SHROOM3: variants seen among roughly 807,000 people sequenced by gnomAD.
The protein encoded by SHROOM3 is shroom family member 3.
SHROOM3 carries 47 observed loss-of-function variants against 138.6 expected under a neutral mutation model. The ratio of observed to expected loss-of-function variants is 0.34; its 90% CI spans 0.27 to 0.43. The LOEUF (loss-of-function observed/expected upper bound fraction) is 0.43. Ranked by LOEUF, SHROOM3 falls within the 20% of genes least tolerant of loss-of-function variation. The pLI, the probability that SHROOM3 is intolerant of heterozygous loss-of-function variation, is 1.00. For synonymous variants in SHROOM3, 1,062 were observed against 1,063.3 expected, an observed-to-expected ratio of 1.00 and a Z score of 0.02; for missense variants, 2,491 against 2,596.5, an observed-to-expected ratio of 0.96 and a Z score of 0.88.
intron 2 of SHROOM3, among the ~76,000 whole-genome samples, chr4:76,634,100 AACTGTCCC>A (rs1735422129): frequency 6.6e-6 from 1 of 152,124 alleles, no homozygotes; most frequent in Non-Finnish European, 1.5e-5. Context: ...TCTGCTAATA[AACTGTCCC>A]TCAAAATCAA....
In SHROOM3 at chr4:76,741,212, C is replaced by T. The variant is rs571981331; in HGVS notation, c.3039C>T (p.Pro1013=). The T allele has an allele frequency of 4.4e-6, 7 of 1,607,790 alleles. No homozygotes were observed. In the African/African-American group the frequency reaches 9.3e-5, roughly 21 times the overall value. Residue 1013 remains proline, a synonymous_variant, in exon 5 of 11, where the codon CCC becomes CCT. Transcript: ENST00000296043. This position sits in a 1 kb window ranked among gnomAD's most constrained non-coding sequence, Gnocchi z 6.2. ...ARRGARRRLT[P]EQKKRSYSEP... is the part of the protein sequence containing the mutation. ...GAGGTGCTCGCCGGCGCCTGACTCC[C>T]GAGCAGAAGAAGCGCTCCTACTCGG...
In SHROOM3 at chr4:76,755,100, G is replaced by A. The variant is rs752100531; in HGVS notation, c.4617G>A (p.Pro1539=). 1.2e-5 allele frequency: 13 copies of A among 1,090,866 alleles called. No individual in the cohort carries two copies. The highest frequency in any genetic ancestry group is 3.9e-5 in the African/African-American group (2 of 50,788). 67.6% of individuals were successfully genotyped at this position (1,090,866 alleles called of 1,614,324 possible). A position where few individuals can be genotyped will look rare whatever the true frequency, so the allele number is the denominator to read the frequency against. The part of the protein sequence containing the change: ...PPPPPPSQET[P]VYSMDDFPPP... ...CTCCTCCACCGAGTCAGGAAACCCCGGTGTATAGCATGGATGACTTCCCTC... is the reference window on the plus strand; with the variant it reads ...CTCCTCCACCGAGTCAGGAAACCCCAGTGTATAGCATGGATGACTTCCCTC... Residue 1539 remains proline, a synonymous_variant, in exon 7 of 11, where the codon CCG becomes CCA. Transcript: ENST00000296043.
At chr4:76,641,488 G>T (rs1295531108) in intron 2 of SHROOM3, among the ~76,000 whole-genome samples, 1 of 152,160 alleles carries the variant, frequency 6.6e-6, no homozygotes, top group Admixed American at 6.5e-5. Flanking sequence ...CTTTTACCCA[G>T]ATTGAATCAG....
At chr4:76,580,462 T>C (rs1252754997) in intron 2 of SHROOM3, among the ~76,000 whole-genome samples, 1 of 150,114 alleles carries the variant, frequency 6.7e-6, no homozygotes, top group Non-Finnish European at 1.5e-5. Flanking sequence ...TTTTTTTTTT[T>C]TTTTTTTGAG....
At chr4:76,527,358 G>A (rs954657340) in intron 1 of SHROOM3, among the ~76,000 whole-genome samples, 1 of 152,186 alleles carries the variant, frequency 6.6e-6, no homozygotes, top group African/African-American at 2.4e-5. Flanking sequence ...CAAGGCGGCC[G>A]GATTGCCTGA....
intron 1 of SHROOM3, among the ~76,000 whole-genome samples, chr4:76,516,245 C>T (rs1732443662): frequency 6.6e-6 from 1 of 152,172 alleles, no homozygotes. Flanking sequence ...CTGTTCAGTT[C>T]CTCTTTCTCT....
chr4:76,528,344 T>TTC lies in SHROOM3; in HGVS notation c.169-27264_169-27263insCT, dbSNP rs1732746634. Among the ~76,000 whole-genome samples the TTC allele has an allele frequency of 1.8e-4, 5 of 27,436 alleles. No individual in the cohort carries two copies. The South Asian group carries it at 9.7e-3, about 53-fold the overall frequency. The allele number at this position is 27,436 out of a possible 152,430, so 18.0% of individuals were successfully genotyped here. On this transcript the variant is annotated intron_variant, in intron 1 of 10. Transcript: ENST00000296043. Reference sequence around the variant, plus strand: ...TCTTTCCTTCTTCTTCTTCTTCTTCTTTTTTTTTTTTTTTTGAGACAGGGT... The same window carrying TTC: ...TCTTTCCTTCTTCTTCTTCTTCTTCTTCTTTTTTTTTTTTTTTGAGACAGGGT...
intron 2 of SHROOM3, among the ~76,000 whole-genome samples, chr4:76,617,403 A>C (rs1465008678): frequency 1.3e-5 from 2 of 152,250 alleles, no homozygotes; most frequent in Non-Finnish European, 2.9e-5. Flanking sequence ...TTTAATTCAC[A>C]TAATAACCAT....
chr4:76,635,395 T>G (rs1303503449), intron 2 of SHROOM3, among the ~76,000 whole-genome samples: 3 of 152,308 alleles, frequency 2.0e-5, no homozygotes, highest in Non-Finnish European at 4.4e-5. Flanking sequence ...GGACCTGACA[T>G]GAGCTGGTCA....
At chr4:76,506,240 C>T (rs539552725) in intron 1 of SHROOM3, among the ~76,000 whole-genome samples, 2 of 150,038 alleles carry the variant, frequency 1.3e-5, no homozygotes, top group Admixed American at 6.6e-5. Context: ...TAGTGGGGGG[C>T]TGGGGGAGGG....
chr4:76,767,258 G>A (rs568498921), intron 9 of SHROOM3, among the ~76,000 whole-genome samples: 2 of 152,266 alleles, frequency 1.3e-5, no homozygotes, highest in African/African-American at 4.8e-5. Flanking sequence ...GTTGACCTGA[G>A]TTCAGCAGAA....
At chr4:76,602,533 G>A (rs555645532) in intron 2 of SHROOM3, among the ~76,000 whole-genome samples, 39 of 151,564 alleles carry the variant, frequency 2.6e-4, no homozygotes, top group Admixed American at 2.4e-3. Flanking sequence ...CCCAGTTCTG[G>A]GGCTTACTAG....
intron 1 of SHROOM3, among the ~76,000 whole-genome samples, chr4:76,519,260 C>T (rs1348990616): frequency 6.6e-6 from 1 of 152,102 alleles, no homozygotes; most frequent in Non-Finnish European, 1.5e-5. Flanking sequence ...AAACAAAGTG[C>T]ATCTCTAGGG....
chr4:76,564,483 C>G (rs1485561190), intron 2 of SHROOM3, among the ~76,000 whole-genome samples: 1 of 152,116 alleles, frequency 6.6e-6, no homozygotes, highest in African/African-American at 2.4e-5. Flanking sequence ...GACTTCTAGG[C>G]TTGAATGTCA....
Position 76,436,203 on chromosome 4 carries a change from C to A in SHROOM3, c.151C>A (p.Pro51Thr), listed in dbSNP as rs1242511129. ...AAAGGGTGGCCTGGAGCACGGAGAA[C>A]CATTAATCATCTCTAAGGTATGTTT... is the stretch of plus-strand genomic sequence containing the variant. ...TLKGGLEHGEPLIISKVEEGG... is the reference protein window; with the variant it reads ...TLKGGLEHGETLIISKVEEGG... Residue 51 changes from proline to threonine, a missense_variant, in exon 1 of 11, where the codon CCA (proline) becomes ACA (threonine). By Grantham distance (38) the Pro-to-Thr change is conservative. Around this residue, in one of 4 missense-constraint regions of SHROOM3, gnomAD observed 284 missense variants for 322.8 expected, o/e 0.88. Coordinates refer to ENST00000296043, the MANE Select transcript of SHROOM3 (RefSeq NM_020859.4). 1.9e-6 allele frequency: 3 copies of A among 1,614,006 alleles called. No homozygotes were observed. The highest frequency in any genetic ancestry group is 2.5e-6 in the Non-Finnish European group (3 of 1,179,914).
At chr4:76,688,502 G>C (rs1334727974) in intron 2 of SHROOM3, 3 of 985,178 alleles carry the variant, frequency 3.0e-6, no homozygotes, top group Non-Finnish European at 3.6e-6. Context: ...GATTCTGCTT[G>C]AATGAGAATA....
chr4:76,462,332 G>C (rs917797384), intron 1 of SHROOM3, among the ~76,000 whole-genome samples: 1 of 151,858 alleles, frequency 6.6e-6, no homozygotes, highest in African/African-American at 2.4e-5. Flanking sequence ...AGATCATGCT[G>C]CTGCACTCTA....
At chr4:76,570,115 G>A (rs1157323100) in intron 2 of SHROOM3, among the ~76,000 whole-genome samples, 1 of 151,482 alleles carries the variant, frequency 6.6e-6, no homozygotes, top group Non-Finnish European at 1.5e-5. Context: ...AACTCCTTCA[G>A]AAACATTTTA....
chr4:76,611,797 C>T (rs928800465), intron 2 of SHROOM3, among the ~76,000 whole-genome samples: 2 of 152,158 alleles, frequency 1.3e-5, no homozygotes, highest in African/African-American at 4.8e-5. Context: ...GGAGACTGCC[C>T]GTCAGGCACA....
Sources: allele counts gnomAD v4.1 joint callset (sites outside exome capture counted in the v4.1 genomes callset), GRCh38; gene constraint gnomAD v4.1.1; regional missense constraint gnomAD v4.1.1; non-coding constraint Gnocchi (gnomAD v3.1); transcripts MANE v1.5; gene names NCBI Gene and HGNC (gene_info 2026-07-23, HGNC 2026-07-21).